The following KALRN variants were observed in gnomAD, a reference collection of about 807,000 sequenced individuals.
KALRN encodes the protein kalirin RhoGEF kinase.
Under a neutral mutation model 353.7 loss-of-function variants are expected in KALRN, and 70 were observed. The observed-to-expected ratio is 0.20, with a 90% CI of 0.16 to 0.24. KALRN has a LOEUF of 0.24. KALRN is among the 10% of genes least tolerant of loss of function. The pLI is 1.00. For missense variants in KALRN, 2,791 were observed against 3,756.7 expected (o/e 0.74, Z 6.72); for synonymous variants, 1,391 against 1,434.8 (o/e 0.97, Z 0.69).
intron 1 of KALRN, among the ~76,000 whole-genome samples, chr3:124,225,750 C>T (rs1010860110): frequency 6.6e-6 from 1 of 152,144 alleles, no homozygotes; most frequent in Non-Finnish European, 1.5e-5. Context: ...AAATTTGAAA[C>T]CCTTCCTTAA....
chr3:124,577,748 G>A (rs142591666), intron 34 of KALRN, among the ~76,000 whole-genome samples: 191 of 152,198 alleles, frequency 1.3e-3, no homozygotes, highest in African/African-American at 4.5e-3. Flanking sequence ...ATGCATGCCT[G>A]TAGTCCCAGC....
intron 33 of KALRN, chr3:124,518,523 C>G: frequency 6.2e-7 from 1 of 1,612,630 alleles, no homozygotes; most frequent in Non-Finnish European, 8.5e-7. Flanking sequence ...GTTGGGACCT[C>G]CCACCAGGAC....
intron 6 of KALRN, among the ~76,000 whole-genome samples, chr3:124,318,614 C>T (rs940738900): frequency 6.6e-6 from 1 of 152,226 alleles, no homozygotes; most frequent in Non-Finnish European, 1.5e-5. Flanking sequence ...TGAGGCTGAG[C>T]TTTTTCCATT....
rs146941310 is a variant in KALRN, at chr3:124,041,852, C to T, written c.73+8039C>T. On this transcript the variant is annotated intron_variant, in intron 1 of 59. Transcript: ENST00000682506. ...GCTTGAAATTGTGTCTGCCTAGGAG[C>T]GAGGGAACAGAAAGAATCAAATGGG... 5.6e-3 allele frequency among the ~76,000 whole-genome samples: 856 copies of T among 152,134 alleles called. 6 individuals are homozygous for T. The highest frequency in any genetic ancestry group is 0.01 in the Middle Eastern group (3 of 294).
chr3:124,114,153 T>A (rs187840240), intron 1 of KALRN, among the ~76,000 whole-genome samples: 99 of 152,270 alleles, frequency 6.5e-4, no homozygotes, highest in African/African-American at 2.3e-3. Context: ...TATGTAGAGG[T>A]AGAAGTGTAA....
intron 1 of KALRN, among the ~76,000 whole-genome samples, chr3:124,120,929 T>TA (rs890008036): frequency 1.7e-4 from 26 of 149,004 alleles, no homozygotes; most frequent in African/African-American, 2.0e-4. Context: ...CCATCTGTAC[T>TA]AAAAAAAATA....
At chr3:124,443,835 A>G (rs1305037419) in intron 19 of KALRN, among the ~76,000 whole-genome samples, 1 of 152,194 alleles carries the variant, frequency 6.6e-6, no homozygotes, top group East Asian at 1.9e-4. Context: ...TGATTCCCTC[A>G]GTCACACCAT....
chr3:124,626,984 C>T (rs1338223097), intron 34 of KALRN, among the ~76,000 whole-genome samples: 3 of 152,222 alleles, frequency 2.0e-5, no homozygotes, highest in Admixed American at 6.5e-5. Flanking sequence ...GATGATTTGA[C>T]GAGAGAACGA....
At chr3:124,658,594 C>A in intron 42 of KALRN, 77 bp downstream of exon 42, 1 of 1,068,458 alleles carries the variant, frequency 9.4e-7, no homozygotes, top group Non-Finnish European at 1.5e-6. Flanking sequence ...AAATACCAGA[C>A]GTCATCCATC....
chr3:124,586,595 C>T (rs2075214335), intron 34 of KALRN, among the ~76,000 whole-genome samples: 1 of 152,192 alleles, frequency 6.6e-6, no homozygotes, highest in African/African-American at 2.4e-5. Context: ...AAGGCAGTGG[C>T]TGCTGGCTCC....
intron 19 of KALRN, among the ~76,000 whole-genome samples, chr3:124,445,608 A>G (rs1044098489): frequency 7.9e-5 from 12 of 152,204 alleles, no homozygotes; most frequent in Non-Finnish European, 1.6e-4. Context: ...CCCTATGACC[A>G]CTATTTAGAA....
chr3:124,363,880 C>A (rs2084334821), intron 10 of KALRN, among the ~76,000 whole-genome samples: 2 of 152,336 alleles, frequency 1.3e-5, no homozygotes, highest in Non-Finnish European at 2.9e-5. Flanking sequence ...GACTTTGGGG[C>A]AAAAGCAGTT....
intron 5 of KALRN, among the ~76,000 whole-genome samples, chr3:124,282,640 G>C (rs907936603): frequency 5.3e-5 from 8 of 152,096 alleles, no homozygotes; most frequent in African/African-American, 1.9e-4. Flanking sequence ...GCCTCCCAAA[G>C]TGCTGGGATT....
At chr3:124,305,637 C>T (rs1363577301) in intron 6 of KALRN, among the ~76,000 whole-genome samples, 1 of 152,186 alleles carries the variant, frequency 6.6e-6, no homozygotes, top group African/African-American at 2.4e-5. Flanking sequence ...GTGAGCCTAT[C>T]CAATGCTGTA....
intron 34 of KALRN, among the ~76,000 whole-genome samples, chr3:124,564,567 C>T (rs1227055628): frequency 1.3e-5 from 2 of 152,028 alleles, no homozygotes; most frequent in East Asian, 1.9e-4. Flanking sequence ...GTTCCAGCTA[C>T]TCAGTGGGGG....
intron 1 of KALRN, among the ~76,000 whole-genome samples, chr3:124,222,137 G>A (rs2077986869): frequency 6.6e-6 from 1 of 152,154 alleles, no homozygotes; most frequent in Non-Finnish European, 1.5e-5. Flanking sequence ...AGAGAAGGTA[G>A]GGCTCTGAGG....
At chr3:124,191,784 C>A (rs1242163207) in intron 1 of KALRN, among the ~76,000 whole-genome samples, 6 of 152,166 alleles carry the variant, frequency 3.9e-5, no homozygotes, top group Admixed American at 3.9e-4. Context: ...GTTTCAGGGG[C>A]ACTGGGCAGA....
rs79330918 is a variant in KALRN at position 124,038,373 on chromosome 3, G to C, written c.73+4560G>C. On this transcript the variant is annotated intron_variant, in intron 1 of 59. Transcript: ENST00000682506. ...TTTATCAGTGAAAGGAAAAAGAGGTGTGTGCTTAGCCAGAAGGGACGTTAG... is the reference window on the plus strand; with the variant it reads ...TTTATCAGTGAAAGGAAAAAGAGGTCTGTGCTTAGCCAGAAGGGACGTTAG... Among the ~76,000 whole-genome samples the C allele has an allele frequency of 1.1e-4, 16 of 152,220 alleles. No homozygotes were observed. The East Asian group carries it at 2.7e-3, about 26-fold the overall frequency.
intron 1 of KALRN, among the ~76,000 whole-genome samples, chr3:124,161,635 A>T (rs2069973674): frequency 6.6e-6 from 1 of 152,198 alleles, no homozygotes; most frequent in South Asian, 2.1e-4. Context: ...TCGTGTTATT[A>T]TGGACTCTGT....
Sources: gnomAD v4.1 joint callset for allele counts (sites outside exome capture counted in the v4.1 genomes callset) on GRCh38, gnomAD v4.1.1 for gene constraint, MANE v1.5 for transcripts, NCBI Gene and HGNC (gene_info 2026-07-23, HGNC 2026-07-21) for gene names.